The following PRKCQ variants were observed in gnomAD, a reference collection of about 807,000 sequenced individuals.
PRKCQ encodes the protein protein kinase C theta type.
A neutral mutation model predicts 91.2 loss-of-function variants in PRKCQ; 41 were observed. That is an observed-to-expected ratio of 0.45 (90% CI 0.35 to 0.58). PRKCQ has a LOEUF of 0.58. PRKCQ is among the 20% of genes least tolerant of loss of function. The pLI is 0.00. For synonymous variants in PRKCQ, 307 were observed against 316.9 expected (o/e 0.97, Z 0.33); for missense variants, 673 against 896.5 (o/e 0.75, Z 3.18).
chr10:6,511,630 T>C (rs1838482543), intron 2 of PRKCQ, among the ~76,000 whole-genome samples: 1 of 152,172 alleles, frequency 6.6e-6, no homozygotes, highest in South Asian at 2.1e-4. Context: ...GGGATTTATA[T>C]AGCAGGGAAG....
the PRKCQ span, among the ~76,000 whole-genome samples, chr10:6,413,071 G>A: frequency 2.0e-5 from 3 of 152,094 alleles, no homozygotes; most frequent in Non-Finnish European, 4.4e-5. Flanking sequence ...TCCTGCCTCA[G>A]CCTCCTGAAT....
the PRKCQ span, among the ~76,000 whole-genome samples, chr10:6,419,949 A>G: frequency 6.6e-6 from 1 of 151,790 alleles, no homozygotes; most frequent in Admixed American, 6.6e-5. Context: ...TTGGCCTCCC[A>G]AAGTGCTAGG....
chr10:6,432,641 C>T (rs1219465812), intron 16 of PRKCQ, among the ~76,000 whole-genome samples: 1 of 152,140 alleles, frequency 6.6e-6, no homozygotes, highest in Non-Finnish European at 1.5e-5. Flanking sequence ...TTTTCTGAGT[C>T]TCAGTTTCCT....
chr10:6,439,635 T>A (rs2132253253), intron 16 of PRKCQ, among the ~76,000 whole-genome samples: 1 of 152,338 alleles, frequency 6.6e-6, no homozygotes, highest in South Asian at 2.1e-4. Context: ...TTTATGATGA[T>A]CTACTTCCAC....
chr10:6,438,762 A>AT (rs1833821124), intron 16 of PRKCQ, among the ~76,000 whole-genome samples: 1 of 152,062 alleles, frequency 6.6e-6, no homozygotes, highest in Non-Finnish European at 1.5e-5. Context: ...TACCTGGCTA[A>AT]TTTTTAGATT....
chr10:6,467,510 C>T (rs202034920), intron 12 of PRKCQ, among the ~76,000 whole-genome samples: 9 of 151,808 alleles, frequency 5.9e-5, no homozygotes, highest in African/African-American at 1.9e-4. Context: ...CTAGACCTCA[C>T]GTCTTTATGG....
intron 1 of PRKCQ, among the ~76,000 whole-genome samples, chr10:6,555,741 AG>A (rs1292840741): frequency 6.6e-6 from 1 of 152,140 alleles, no homozygotes; most frequent in Admixed American, 6.5e-5. Context: ...TGGGCACGGT[AG>A]CTCACATCTG....
chr10:6,539,732 C>T (rs377128398), intron 1 of PRKCQ, among the ~76,000 whole-genome samples: 12 of 152,268 alleles, frequency 7.9e-5, no homozygotes, highest in African/African-American at 2.9e-4. Context: ...TCCCTGGTGC[C>T]AAAAAGGTTA....
rs113785872 is a variant in PRKCQ, at chr10:6,436,775, G to A, written c.1836+5118C>T. On this transcript the variant is annotated intron_variant, in intron 16 of 17. Transcript: ENST00000263125. ...ATTGCTGAGTAGGATTCCAGCACAC[G>A]GCTTTTCACCTTTTCTCCTCCAACT... is the stretch of plus-strand genomic sequence containing the variant. Among the ~76,000 whole-genome samples, 937 of 150,934 alleles carry A rather than the reference G, an allele frequency of 6.2e-3. 14 individuals carry two copies. The highest frequency in any genetic ancestry group is 8.3e-3 in the South Asian group (39 of 4,676).
chr10:6,408,096 C>T, the PRKCQ span, among the ~76,000 whole-genome samples: 3 of 127,054 alleles, frequency 2.4e-5, no homozygotes, highest in Non-Finnish European at 4.7e-5. Context: ...AATCAGGATC[C>T]GGATAAGGGC....
At chr10:6,564,303 C>T (rs1840752640) in intron 1 of PRKCQ, among the ~76,000 whole-genome samples, 1 of 152,090 alleles carries the variant, frequency 6.6e-6, no homozygotes, top group South Asian at 2.1e-4. Flanking sequence ...AAACGAGGTC[C>T]TCTGTAGGAA....
intron 1 of PRKCQ, among the ~76,000 whole-genome samples, chr10:6,550,530 T>C (rs1298334812): frequency 6.6e-6 from 1 of 152,232 alleles, no homozygotes; most frequent in Non-Finnish European, 1.5e-5. Context: ...TGCCTCAGCC[T>C]CCCAAAGTGC....
intron 17 of PRKCQ, 55 bp from the exon 18 acceptor site, chr10:6,428,417 C>A (rs1833236607): frequency 2.0e-5 from 32 of 1,571,622 alleles, no homozygotes; most frequent in Middle Eastern, 3.4e-4. Context: ...CCATTAAGTT[C>A]ATGATCTTCA....
rs1396579935 is a variant in PRKCQ, at chr10:6,512,935, C to T, written c.119-1741G>A. 2.0e-5 allele frequency among the ~76,000 whole-genome samples: 3 copies of T among 152,196 alleles called. No individual in the cohort carries two copies. The East Asian group carries it at 5.8e-4, about 29-fold the overall frequency. ...AGAAACCAACGGCAATATTAATGATCACGGTAACATTTTACTTCCACAGAC... is the reference window on the plus strand; with the variant it reads ...AGAAACCAACGGCAATATTAATGATTACGGTAACATTTTACTTCCACAGAC... On this transcript the variant is annotated intron_variant, in intron 2 of 17. Coordinates refer to ENST00000263125, the MANE Select transcript of PRKCQ (RefSeq NM_006257.5).
intron 12 of PRKCQ, among the ~76,000 whole-genome samples, chr10:6,466,966 C>A (rs1299222677): frequency 6.6e-6 from 1 of 152,146 alleles, no homozygotes; most frequent in Non-Finnish European, 1.5e-5. Flanking sequence ...TCCTGAGCTT[C>A]ATTTAGTTTG....
At chr10:6,423,292 G>A (rs1264079326), downstream of PRKCQ, among the ~76,000 whole-genome samples, 1 of 152,196 alleles carries the variant, frequency 6.6e-6, no homozygotes, top group Admixed American at 6.5e-5. Context: ...GTCTTGCTCT[G>A]ATATACACAC....
rs199557508 is a variant in PRKCQ at position 6,548,438 on chromosome 10, G to A, written c.-10+31773C>T. Reference sequence around the variant, plus strand: ...GCTATAAAGACACATGCACACATATGTTTATTGTGGCACTATTCACAATAG... The same window carrying A: ...GCTATAAAGACACATGCACACATATATTTATTGTGGCACTATTCACAATAG... On this transcript the variant is annotated intron_variant, in intron 1 of 17. Transcript: ENST00000263125. Among the ~76,000 whole-genome samples the A allele has an allele frequency of 1.2e-4, 18 of 151,244 alleles. No homozygotes were observed. In the East Asian group the frequency reaches 3.3e-3, roughly 28 times the overall value.
intron 1 of PRKCQ, among the ~76,000 whole-genome samples, chr10:6,562,466 C>T (rs1319027361): frequency 2.0e-5 from 3 of 152,118 alleles, no homozygotes; most frequent in Non-Finnish European, 2.9e-5. Context: ...GCAGAGCTCC[C>T]GGCTTGATGA....
chr10:6,501,469 G>C (rs1463107733), intron 4 of PRKCQ, among the ~76,000 whole-genome samples: 2 of 151,968 alleles, frequency 1.3e-5, no homozygotes, highest in African/African-American at 4.8e-5. Flanking sequence ...CTGAGGCAGA[G>C]GAGCAGGAGG....
Sources: allele counts gnomAD v4.1 joint callset (sites outside exome capture counted in the v4.1 genomes callset), GRCh38; gene constraint gnomAD v4.1.1; transcripts MANE v1.5; gene names NCBI Gene and HGNC (gene_info 2026-07-23, HGNC 2026-07-21).